The following ATP9B variants were observed in gnomAD, a reference collection of about 807,000 sequenced individuals.
ATP9B encodes ATPase phospholipid transporting 9B, also known as probable phospholipid-transporting ATPase IIB.
A neutral mutation model predicts 146.1 loss-of-function variants in ATP9B; 110 were observed. That is an observed-to-expected ratio of 0.75 (90% CI 0.65 to 0.88). The LOEUF is 0.88. ATP9B is among the 40% of genes least tolerant of loss of function. The pLI is 0.00. For missense variants in ATP9B, 1,499 were observed against 1,496.4 expected (o/e 1.00, Z -0.03); for synonymous variants, 604 against 569.7 (o/e 1.06, Z -0.86).
At chr18:79,220,852 T>C (rs893173991) in intron 11 of ATP9B, among the ~76,000 whole-genome samples, 1 of 152,214 alleles carries the variant, frequency 6.6e-6, no homozygotes. Flanking sequence ...TCTTTTCAGC[T>C]GGAGCTGTAG....
intron 7 of ATP9B, among the ~76,000 whole-genome samples, chr18:79,157,060 G>C (rs1338557884): frequency 6.6e-6 from 1 of 152,070 alleles, no homozygotes; most frequent in African/African-American, 2.4e-5. Context: ...TTTTGCATCT[G>C]TTTTTAAAGG....
At chr18:79,215,712 C>T (rs907161752) in intron 11 of ATP9B, among the ~76,000 whole-genome samples, 19 of 150,940 alleles carry the variant, frequency 1.3e-4, no homozygotes, top group East Asian at 3.9e-4. Context: ...TTTTTTGAGA[C>T]GGAGTCTCAC....
intron 19 of ATP9B, among the ~76,000 whole-genome samples, chr18:79,340,107 C>G (rs114592774): frequency 6.6e-6 from 1 of 152,054 alleles, no homozygotes; most frequent in Non-Finnish European, 1.5e-5. Flanking sequence ...CATGAATGAG[C>G]GAGCATATGA....
At chr18:79,148,638 T>G (rs1047813048) in intron 6 of ATP9B, among the ~76,000 whole-genome samples, 1 of 152,210 alleles carries the variant, frequency 6.6e-6, no homozygotes, top group South Asian at 2.1e-4. Flanking sequence ...GGTGTAAGAC[T>G]GAATGCCTCC....
chr18:79,165,194 A>G (rs972642160), intron 7 of ATP9B, among the ~76,000 whole-genome samples: 8 of 152,224 alleles, frequency 5.3e-5, no homozygotes, highest in African/African-American at 1.4e-4. Flanking sequence ...GTTATTTGAA[A>G]GGGAGCATTG....
intron 10 of ATP9B, among the ~76,000 whole-genome samples, chr18:79,210,582 GCTCAGTTCACGGT>G (rs2095575238): frequency 6.6e-6 from 1 of 152,200 alleles, no homozygotes; most frequent in Non-Finnish European, 1.5e-5. Context: ...ACATCCTGGG[GCTCAGTTCACGGT>G]CTTCATCAGT....
At chr18:79,257,288 A>C (rs537378780) in intron 12 of ATP9B, among the ~76,000 whole-genome samples, 1 of 152,210 alleles carries the variant, frequency 6.6e-6, no homozygotes, top group African/African-American at 2.4e-5. Flanking sequence ...CAGGCAAAAG[A>C]ACAAAACTCT....
rs977466871 is a variant in ATP9B at position 79,307,475 on chromosome 18, G to A, written c.1773+241G>A. The stretch of plus-strand genomic sequence containing the variant: ...CTCGGCACATCCCAGAACACCCAGG[G>A]CTGGTCACAGGGAACAGCATGAGAA... On this transcript the variant is annotated intron_variant, in intron 15 of 29. Coordinates refer to ENST00000426216, the MANE Select transcript of ATP9B (RefSeq NM_198531.5). 10 of 533,368 alleles carry A rather than the reference G, an allele frequency of 1.9e-5. No individual in the cohort carries two copies. In the Admixed American group the frequency reaches 2.4e-4, roughly 13 times the overall value. The allele number at this position is 533,368 out of a possible 1,614,324, so 33.0% of individuals were successfully genotyped here.
chr18:79,154,417 T>C lies in ATP9B; in HGVS notation c.727-87T>C, dbSNP rs555817278. ...TTTTAATTATATTATCTTAGTTGTT[T>C]TCATAGGTATTTCTTATTTGGAATG... is the stretch of plus-strand genomic sequence containing the variant. On this transcript the variant is annotated intron_variant, in intron 6 of 29. Transcript: ENST00000426216. 3.0e-4 allele frequency: 266 copies of C among 887,160 alleles called. 1 individual carries two copies. The highest frequency in any genetic ancestry group is 2.3e-3 in the Middle Eastern group (8 of 3,492). The allele number at this position is 887,160 out of a possible 1,614,324, so 55.0% of individuals were successfully genotyped here.
chr18:79,131,698 A>G (rs66824886), intron 5 of ATP9B, among the ~76,000 whole-genome samples: 31,838 of 152,166 alleles, frequency 0.21, 3,708 homozygotes, highest in East Asian at 0.5. Context: ...CCAAAGGGTG[A>G]TAATAGCCCA....
intron 15 of ATP9B, among the ~76,000 whole-genome samples, chr18:79,326,533 C>T (rs2096747720): frequency 6.6e-6 from 1 of 151,784 alleles, no homozygotes; most frequent in Non-Finnish European, 1.5e-5. Flanking sequence ...TGTGTCATCT[C>T]TGCACACTCT....
At chr18:79,154,453 A>C (rs754050054) in intron 6 of ATP9B, 51 bp from the exon 7 acceptor site, 6 of 1,304,372 alleles carry the variant, frequency 4.6e-6, no homozygotes, top group Non-Finnish European at 4.2e-6. Flanking sequence ...GAATTGTGTT[A>C]ATTTGTAAAC....
intron 1 of ATP9B, chr18:79,087,368 G>C (rs1416178544): frequency 2.0e-5 from 3 of 152,226 alleles, no homozygotes; most frequent in Non-Finnish European, 4.4e-5. Flanking sequence ...CTCCTTTGCT[G>C]CTATTGGAGG....
intron 11 of ATP9B, among the ~76,000 whole-genome samples, chr18:79,225,189 A>T (rs1293164487): frequency 6.6e-6 from 1 of 152,154 alleles, no homozygotes; most frequent in Admixed American, 6.5e-5. Context: ...AGCTGATGGG[A>T]TATTCTGGAT....
intron 11 of ATP9B, among the ~76,000 whole-genome samples, chr18:79,215,165 A>AG (rs2095616458): frequency 6.6e-6 from 1 of 151,120 alleles, no homozygotes; most frequent in Admixed American, 6.6e-5. Context: ...AAAAAAAAAA[A>AG]GATATATTTG....
intron 1 of ATP9B, among the ~76,000 whole-genome samples, chr18:79,070,203 TA>T (rs2071563007): frequency 6.6e-6 from 1 of 152,244 alleles, no homozygotes; most frequent in African/African-American, 2.4e-5. Flanking sequence ...AAGAAAATTT[TA>T]AAAAGTGTTG....
chr18:79,096,321 T>C (rs1007082447), intron 1 of ATP9B, among the ~76,000 whole-genome samples, 155 bp from the exon 2 acceptor site: 13 of 152,294 alleles, frequency 8.5e-5, no homozygotes, highest in South Asian at 2.1e-4. Context: ...AGCTAACTTA[T>C]TCCTTTGCAA....
chr18:79,194,986 T>C (rs917912747), intron 9 of ATP9B, among the ~76,000 whole-genome samples: 2 of 151,984 alleles, frequency 1.3e-5, no homozygotes, highest in African/African-American at 4.8e-5. Flanking sequence ...GTTGGGGGAA[T>C]GTATAGGGGC....
intron 26 of ATP9B, among the ~76,000 whole-genome samples, chr18:79,371,695 T>C (rs943206834): frequency 6.6e-6 from 1 of 152,256 alleles, no homozygotes; most frequent in Non-Finnish European, 1.5e-5. Flanking sequence ...AGGTGCAGGT[T>C]CAGACAGGCC....
Sources: allele counts gnomAD v4.1 joint callset (sites outside exome capture counted in the v4.1 genomes callset), GRCh38; gene constraint gnomAD v4.1.1; transcripts MANE v1.5; gene names NCBI Gene and HGNC (gene_info 2026-07-23, HGNC 2026-07-21).